ZNF423: variants seen among roughly 807,000 people sequenced by gnomAD.
ZNF423 encodes zinc finger protein 423.
Under a neutral mutation model 95.8 loss-of-function variants are expected in ZNF423, and 12 were observed. That is an observed-to-expected ratio of 0.13 (90% CI 0.08 to 0.20). The LOEUF is 0.20. Among genes scored for constraint, ZNF423 ranks in the 10% least tolerant of loss-of-function variants. The pLI, the probability that ZNF423 is intolerant of heterozygous loss-of-function variation, is 1.00. For synonymous variants in ZNF423, 749 were observed against 711.9 expected (o/e 1.05, Z -0.83); for missense variants, 1,316 against 1,737.1 (o/e 0.76, Z 4.31).
At position 49,636,994 on chromosome 16, in the gene ZNF423, A is replaced by G. The variant is rs1480596200; in HGVS notation, c.2182T>C (p.Tyr728His). 1.2e-6 allele frequency: 2 copies of G among 1,613,896 alleles called. No individual in the cohort carries two copies. Among genetic ancestry groups the G allele is most frequent in the South Asian group, 1.1e-5 (1 of 91,078 alleles). ...HLLDMHTFVL[Y>H]HCTLCQEVFD... is the part of the protein sequence containing the mutation. Reference sequence around the variant, plus strand: ...ACCTCCTGACACAGGGTGCAGTGGTACAACACAAAGGTGTGCATGTCCAGC... The same window carrying G: ...ACCTCCTGACACAGGGTGCAGTGGTGCAACACAAAGGTGTGCATGTCCAGC... The change falls in exon 4 of 8, where the codon TAC (tyrosine) becomes CAC (histidine). Residue 728 changes from tyrosine to histidine, a missense_variant. By Grantham distance (83) the Tyr-to-His change is moderately conservative. Around this residue, in one of 6 missense-constraint regions of ZNF423, gnomAD observed 620 missense variants for 775.6 expected, o/e 0.80. Transcript: ENST00000563137. The surrounding 1 kb of genome is among the most constrained non-coding windows in gnomAD (Gnocchi z 8.6).
intron 3 of ZNF423, among the ~76,000 whole-genome samples, chr16:49,699,476 C>A (rs909933990): frequency 6.6e-6 from 1 of 152,194 alleles, no homozygotes; most frequent in East Asian, 1.9e-4. Flanking sequence ...CGCAAAGGCT[C>A]CTCCCACACC....
intron 5 of ZNF423, among the ~76,000 whole-genome samples, chr16:49,533,132 C>T (rs910761395): frequency 6.6e-6 from 1 of 152,220 alleles, no homozygotes; most frequent in Non-Finnish European, 1.5e-5. Flanking sequence ...CTCTCGCTTG[C>T]TATGCAGGCA....
At chr16:49,720,430 C>G (rs544054053) in intron 3 of ZNF423, among the ~76,000 whole-genome samples, 3 of 152,178 alleles carry the variant, frequency 2.0e-5, no homozygotes, top group South Asian at 2.1e-4. Flanking sequence ...TCCCACCCCC[C>G]ACCAGCAGTT....
upstream of ZNF423, among the ~76,000 whole-genome samples, chr16:49,858,754 G>A (rs1017962043): frequency 6.6e-6 from 1 of 151,776 alleles, no homozygotes; most frequent in Non-Finnish European, 1.5e-5. The surrounding 1 kb of genome is among the most constrained non-coding windows in gnomAD (Gnocchi z 4.3). Flanking sequence ...AGGGATGGAC[G>A]GAGTTGGGCT....
chr16:49,543,345 C>A (rs191016546), intron 5 of ZNF423, among the ~76,000 whole-genome samples: 46 of 152,250 alleles, frequency 3.0e-4, no homozygotes, highest in Admixed American at 3.0e-3. Flanking sequence ...ATCCCCACAG[C>A]CTCCCCAGGG....
chr16:49,520,466 C>A (rs79852289), intron 7 of ZNF423, among the ~76,000 whole-genome samples: 3 of 152,292 alleles, frequency 2.0e-5, no homozygotes, highest in Non-Finnish European at 4.4e-5. Flanking sequence ...CCAAGCCTGT[C>A]ATGGTTCAGT....
intron 2 of ZNF423, among the ~76,000 whole-genome samples, chr16:49,752,438 G>A (rs1235612314): frequency 3.3e-4 from 50 of 152,236 alleles, no homozygotes; most frequent in Admixed American, 3.2e-3. Context: ...GAGCAAGGCT[G>A]GTCCCCCTTT....
intron 2 of ZNF423, among the ~76,000 whole-genome samples, chr16:49,769,776 G>A (rs1022099287): frequency 9.0e-4 from 65 of 72,336 alleles, no homozygotes; most frequent in Non-Finnish European, 1.2e-3. Flanking sequence ...TCACACCCCC[G>A]TCTCCCTCCC....
chr16:49,747,309 T>C (rs560041731), intron 2 of ZNF423, among the ~76,000 whole-genome samples: 16 of 131,792 alleles, frequency 1.2e-4, no homozygotes, highest in Non-Finnish European at 1.7e-4. Flanking sequence ...CTTCCAAACA[T>C]AATGTTGAGA....
At chr16:49,699,508 T>G (rs1596877408) in intron 3 of ZNF423, among the ~76,000 whole-genome samples, 1 of 150,950 alleles carries the variant, frequency 6.6e-6, no homozygotes. Flanking sequence ...CCTGCCCCCG[T>G]TCTTCCCTGG....
chr16:49,584,959 C>G (rs924472198), intron 5 of ZNF423, among the ~76,000 whole-genome samples: 12 of 152,156 alleles, frequency 7.9e-5, no homozygotes, highest in African/African-American at 2.9e-4. Context: ...GTGTCAGATC[C>G]AGAGCCTCCT....
Position 49,638,292 on chromosome 16 carries a change from G to A in ZNF423, c.884C>T (p.Pro295Leu), listed in dbSNP as rs775792952. Residue 295 changes from proline to leucine, a missense_variant, in exon 4 of 8, where the codon CCG becomes CTG. Coordinates refer to ENST00000563137, the MANE Select transcript of ZNF423 (RefSeq NM_001379286.1). The surrounding 1 kb of genome is among the most constrained non-coding windows in gnomAD (Gnocchi z 5.6). The part of the protein sequence containing the change: ...ELEKHVLTRH[P>L]QLSEKADLQC... Reference sequence around the variant, plus strand: ...CAGGTCCGCCTTCTCGGACAGCTGCGGGTGGCGGGTGAGCACGTGCTTCTC... The same window carrying A: ...CAGGTCCGCCTTCTCGGACAGCTGCAGGTGGCGGGTGAGCACGTGCTTCTC... 14 of 1,613,596 alleles carry A rather than the reference G, an allele frequency of 8.7e-6. No homozygotes were observed. Among genetic ancestry groups the A allele is most frequent in the African/African-American group, 2.7e-5 (2 of 74,948 alleles).
chr16:49,740,539 C>T (rs1420898507), intron 2 of ZNF423, among the ~76,000 whole-genome samples: 1 of 152,224 alleles, frequency 6.6e-6, no homozygotes, highest in Non-Finnish European at 1.5e-5. Context: ...CCTAAAGGGT[C>T]CCCTTGGCAG....
intron 2 of ZNF423, among the ~76,000 whole-genome samples, chr16:49,757,504 C>T (rs2143614399): frequency 6.6e-6 from 1 of 152,342 alleles, no homozygotes; most frequent in Non-Finnish European, 1.5e-5. Flanking sequence ...ATGGTGAGGA[C>T]TGCAGAATGC....
intron 3 of ZNF423, among the ~76,000 whole-genome samples, chr16:49,680,535 G>A (rs1298530389): frequency 6.6e-6 from 1 of 152,202 alleles, no homozygotes; most frequent in African/African-American, 2.4e-5. Context: ...CCCAAGCCAG[G>A]GCTGTGACAC....
chr16:49,632,678 C>T (rs1175691916), intron 4 of ZNF423, among the ~76,000 whole-genome samples: 1 of 152,146 alleles, frequency 6.6e-6, no homozygotes, highest in Admixed American at 6.5e-5. Flanking sequence ...AGCTGGAGCC[C>T]CTCTTTACCA....
chr16:49,709,681 G>T (rs1039671621), intron 3 of ZNF423, among the ~76,000 whole-genome samples: 8 of 152,180 alleles, frequency 5.3e-5, no homozygotes, highest in Admixed American at 2.6e-4. Context: ...GGGTGATTAG[G>T]TCATGAGGGT....
At chr16:49,695,418 C>G (rs1185175298) in intron 3 of ZNF423, among the ~76,000 whole-genome samples, 1 of 152,234 alleles carries the variant, frequency 6.6e-6, no homozygotes, top group Admixed American at 6.5e-5. Flanking sequence ...TCAGCCTTCC[C>G]AAGTAGCTGG....
At chr16:49,811,486 C>T (rs1315667524) in intron 1 of ZNF423, among the ~76,000 whole-genome samples, 2 of 152,120 alleles carry the variant, frequency 1.3e-5, no homozygotes, top group Non-Finnish European at 1.5e-5. Context: ...TTTCTGGTTT[C>T]TCCAGGGAGG....
Sources: gnomAD v4.1 joint callset for allele counts (sites outside exome capture counted in the v4.1 genomes callset) on GRCh38, gnomAD v4.1.1 for gene constraint, gnomAD v4.1.1 regional missense constraint, Gnocchi (gnomAD v3.1) non-coding constraint, MANE v1.5 for transcripts, NCBI Gene and HGNC (gene_info 2026-07-23, HGNC 2026-07-21) for gene names.